The following TLR2 variants were observed in gnomAD, a reference collection of about 807,000 sequenced individuals.
TLR2 encodes the protein toll like receptor 2.
TLR2 carries 7 observed loss-of-function variants against 9.1 expected under a neutral mutation model. The ratio of observed to expected loss-of-function variants is 0.77; its 90% confidence interval spans 0.44 to 1.44. The LOEUF (loss-of-function observed/expected upper bound fraction) is 1.44. Ranked by LOEUF, TLR2 falls within the 40% of genes most tolerant of loss-of-function variation. The pLI is 0.01. For missense variants in TLR2, 812 were observed against 904.6 expected (o/e 0.90, Z 1.31); for synonymous variants, 317 against 344.6 (o/e 0.92, Z 0.89).
chr4:153,692,568 C>T lies in TLR2; in HGVS notation c.-17+4521C>T, dbSNP rs115751519. 8.2e-3 allele frequency among the ~76,000 whole-genome samples: 1,251 copies of T among 152,254 alleles called. 8 individuals are homozygous for T. Among genetic ancestry groups the T allele is most frequent in the Non-Finnish European group, 0.013 (863 of 68,028 alleles). ...AACCTTGGTGGGAACTTTGTCTTTC[C>T]GCTTGAAGCATTTCCTTCAAAGCTT... is the stretch of plus-strand genomic sequence containing the variant. On this transcript the variant is annotated intron_variant, in intron 2 of 2. Transcript: ENST00000642700.
At position 153,703,823 on chromosome 4, in the gene TLR2, C is replaced by G; in HGVS notation, c.916C>G (p.Pro306Ala). 6.2e-7 allele frequency: 1 copy of G among 1,613,900 alleles called. No homozygotes were observed. Among genetic ancestry groups the G allele is most frequent in the Admixed American group, 1.7e-5 (1 of 59,990 alleles). Residue 306 changes from proline to alanine, a missense_variant, in exon 3 of 3, where the codon CCA (proline) becomes GCA (alanine). Pro to Ala is a conservative substitution (Grantham distance 27). Coordinates refer to ENST00000642700, the MANE Select transcript of TLR2 (RefSeq NM_001318789.2). The stretch of plus-strand genomic sequence containing the variant: ...ATCTGATAATGACAGAGTTATAGAT[C>G]CAGGTAAAGTGGAAACGTTAACAAT... ...RASDNDRVIDPGKVETLTIRR... is the reference protein window; with the variant it reads ...RASDNDRVIDAGKVETLTIRR...
chr4:153,710,011 A>G (rs1737458317), downstream of TLR2: 5 of 164,704 alleles, frequency 3.0e-5, no homozygotes, highest in South Asian at 8.2e-4. Context: ...CTGATGAGAA[A>G]GTATTAGCTA....
At chr4:153,691,439 A>G (rs557971432) in intron 2 of TLR2, among the ~76,000 whole-genome samples, 71 of 152,336 alleles carry the variant, frequency 4.7e-4, no homozygotes, top group African/African-American at 1.6e-3. Flanking sequence ...TGATCCAAAT[A>G]AGGAGTTAGA....
Position 153,705,272 on chromosome 4 carries a change from T to C in TLR2, c.*10T>C. The C allele has an allele frequency of 6.5e-7, 1 of 1,545,268 alleles. No homozygotes were observed. Among genetic ancestry groups the C allele is most frequent in the Non-Finnish European group, 8.7e-7 (1 of 1,146,628 alleles). The stretch of plus-strand genomic sequence containing the variant: ...TGCGATAAAGTCCTAGGTTCCCATA[T>C]TTAAGACCAGTCTTTGTCTAGTTGG... On this transcript the variant is annotated 3_prime_UTR_variant, in exon 3 of 3. Transcript: ENST00000642700.
intron 2 of TLR2, among the ~76,000 whole-genome samples, chr4:153,693,937 C>G (rs568789678): frequency 5.3e-5 from 8 of 152,142 alleles, no homozygotes; most frequent in Admixed American, 5.2e-4. Flanking sequence ...CCAGCTCGGT[C>G]GTGGAGACCC....
rs941817518 is a variant in TLR2, at chr4:153,700,812, G to T, written c.-16-2080G>T. On this transcript the variant is annotated intron_variant, in intron 2 of 2. Coordinates refer to ENST00000642700, the MANE Select transcript of TLR2 (RefSeq NM_001318789.2). Reference sequence around the variant, plus strand: ...GGATAGACAAATGAACATTGGATCAGAATAGCACTGAAACAAGATCTACCC... The same window carrying T: ...GGATAGACAAATGAACATTGGATCATAATAGCACTGAAACAAGATCTACCC... 1.1e-4 allele frequency among the ~76,000 whole-genome samples: 17 copies of T among 152,160 alleles called. No homozygotes were observed. In the East Asian group the frequency reaches 3.1e-3, roughly 28 times the overall value.
In TLR2 at chr4:153,687,884, A is replaced by G. The variant is rs1297746788; in HGVS notation, c.-162-18A>G. 1.3e-5 allele frequency: 2 copies of G among 152,086 alleles called. No individual in the cohort carries two copies. The highest frequency in any genetic ancestry group is 4.8e-5 in the African/African-American group (2 of 41,410). The allele number at this position is 152,086 out of a possible 1,614,324, so 9.4% of individuals were successfully genotyped here. A position where few individuals can be genotyped will look rare whatever the true frequency, so the allele number is the denominator to read the frequency against. ...TTCTTTGCTAAAATAAACTCTGTCA[A>G]ATTTAATTTGTCTGAAGTTTCTCTT... On this transcript the variant is annotated intron_variant, in intron 1 of 2. Coordinates refer to ENST00000642700, the MANE Select transcript of TLR2 (RefSeq NM_001318789.2).
intron 2 of TLR2, among the ~76,000 whole-genome samples, chr4:153,693,520 C>T (rs934263000): frequency 4.6e-5 from 7 of 152,178 alleles, no homozygotes; most frequent in East Asian, 3.9e-4. Context: ...GTCACTGGGG[C>T]GACTACTTTT....
intron 2 of TLR2, among the ~76,000 whole-genome samples, chr4:153,696,086 A>G (rs997335230): frequency 2.0e-5 from 3 of 152,190 alleles, no homozygotes; most frequent in Non-Finnish European, 4.4e-5. Flanking sequence ...GCTCTGTAGT[A>G]TAATTTTAAG....
chr4:153,690,652 T>C (rs188477883), intron 2 of TLR2, among the ~76,000 whole-genome samples: 12 of 152,354 alleles, frequency 7.9e-5, no homozygotes, highest in African/African-American at 2.6e-4. Flanking sequence ...GATTAACTCC[T>C]CCTGTTAAAG....
chr4:153,685,483 G>A (rs962756365), intron 1 of TLR2, among the ~76,000 whole-genome samples: 7 of 152,140 alleles, frequency 4.6e-5, no homozygotes, highest in African/African-American at 1.7e-4. Context: ...AGCTATGGTG[G>A]CCTGACTTGA....
At chr4:153,702,620 G>T in intron 2 of TLR2, 1 of 341,074 alleles carries the variant, frequency 2.9e-6, no homozygotes, top group South Asian at 6.9e-5. Flanking sequence ...ATTGAGTCTT[G>T]CTCTGTAATT....
intron 2 of TLR2, among the ~76,000 whole-genome samples, chr4:153,689,099 T>G (rs1735923304): frequency 6.6e-6 from 1 of 152,264 alleles, no homozygotes; most frequent in South Asian, 2.1e-4. Flanking sequence ...GCACTCCAGT[T>G]CCTGGCATTA....
downstream of TLR2, among the ~76,000 whole-genome samples, chr4:153,709,104 A>G (rs532563736): frequency 1.3e-5 from 2 of 152,264 alleles, no homozygotes; most frequent in African/African-American, 4.8e-5. Context: ...GTCATGACAC[A>G]ATAAGTTCAA....
intron 2 of TLR2, among the ~76,000 whole-genome samples, chr4:153,699,066 ATT>A (rs1736703773): frequency 6.6e-6 from 1 of 152,190 alleles, no homozygotes; most frequent in Non-Finnish European, 1.5e-5. Context: ...CATAACCCTA[ATT>A]CTCTAATTGT....
chr4:153,686,103 A>G (rs1397259668), intron 1 of TLR2, among the ~76,000 whole-genome samples: 1 of 152,190 alleles, frequency 6.6e-6, no homozygotes. Context: ...GATAACATTA[A>G]TCCATTTATG....
chr4:153,702,845 A>C lies in TLR2; in HGVS notation c.-16-47A>C, dbSNP rs148617183. The C allele has an allele frequency of 4.9e-5, 74 of 1,498,102 alleles. No individual in the cohort carries two copies. In the African/African-American group the frequency reaches 8.9e-4, roughly 18 times the overall value. 92.8% of individuals were successfully genotyped at this position (1,498,102 alleles called of 1,614,324 possible). A position where few individuals can be genotyped will look rare whatever the true frequency, so the allele number is the denominator to read the frequency against. ...ACATTTCTCAAGAATTAGAATTACG[A>C]TATGCTGTCAAACACAATGACTTAT... On this transcript the variant is annotated intron_variant, in intron 2 of 2. Transcript: ENST00000642700.
Position 153,705,269 on chromosome 4 carries a change from A to G in TLR2, c.*7A>G. ...AGCTGCGATAAAGTCCTAGGTTCCC[A>G]TATTTAAGACCAGTCTTTGTCTAGT... On this transcript the variant is annotated 3_prime_UTR_variant, in exon 3 of 3. Transcript: ENST00000642700. The G allele has an allele frequency of 1.9e-6, 3 of 1,550,210 alleles. No homozygotes were observed. The highest frequency in any genetic ancestry group is 8.7e-7 in the Non-Finnish European group (1 of 1,148,746).
In TLR2 at chr4:153,704,464, T is replaced by C. The variant is rs752052015; in HGVS notation, c.1557T>C (p.Leu519=). ...TAACTACGTTTTCTAAGGAGCAACT[T>C]GACTCATTTCACACACTGAAGACTT... ...NAITTFSKEQ[L]DSFHTLKTLE... is the part of the protein sequence containing the mutation. Residue 519 remains leucine, a synonymous_variant, in exon 3 of 3, where the codon CTT becomes CTC. Coordinates refer to ENST00000642700, the MANE Select transcript of TLR2 (RefSeq NM_001318789.2). The C allele has an allele frequency of 2.7e-5, 43 of 1,614,040 alleles. No individual in the cohort carries two copies. Among genetic ancestry groups the C allele is most frequent in the African/African-American group, 4.0e-5 (3 of 74,928 alleles).
Sources: allele counts gnomAD v4.1 joint callset (sites outside exome capture counted in the v4.1 genomes callset), GRCh38; gene constraint gnomAD v4.1.1; transcripts MANE v1.5; gene names NCBI Gene and HGNC (gene_info 2026-07-23, HGNC 2026-07-21).